RGS7BP: variants seen among roughly 807,000 people sequenced by gnomAD.
The protein encoded by RGS7BP is regulator of G protein signaling 7 binding protein.
A neutral mutation model predicts 31.3 loss-of-function variants in RGS7BP; 9 were observed. That is an observed-to-expected ratio of 0.29 (90% CI 0.17 to 0.50). RGS7BP has a LOEUF of 0.50. RGS7BP is among the 20% of genes least tolerant of loss of function. RGS7BP has a pLI of 0.98. For missense variants in RGS7BP, 274 were observed against 322.0 expected (o/e 0.85, Z 1.14); for synonymous variants, 115 against 120.1 (o/e 0.96, Z 0.28).
At chr5:64,529,014 A>G (rs1749305767) in intron 2 of RGS7BP, among the ~76,000 whole-genome samples, 1 of 152,156 alleles carries the variant, frequency 6.6e-6, no homozygotes, top group Non-Finnish European at 1.5e-5. Context: ...TACTTGCGGC[A>G]TTGATAACAC....
At chr5:64,572,680 G>T (rs1174869319) in intron 2 of RGS7BP, among the ~76,000 whole-genome samples, 3 of 152,022 alleles carry the variant, frequency 2.0e-5, no homozygotes, top group African/African-American at 7.3e-5. Flanking sequence ...TGGGATTTCT[G>T]GTGGCACCTA....
At chr5:64,572,236 G>A (rs899221337) in intron 2 of RGS7BP, among the ~76,000 whole-genome samples, 1 of 152,076 alleles carries the variant, frequency 6.6e-6, no homozygotes, top group Non-Finnish European at 1.5e-5. Context: ...TTAAATTGCT[G>A]TTTTCTTAGC....
intron 1 of RGS7BP, among the ~76,000 whole-genome samples, chr5:64,507,291 T>C (rs1748717880): frequency 6.6e-6 from 1 of 152,260 alleles, no homozygotes; most frequent in African/African-American, 2.4e-5. Flanking sequence ...TATTACACCC[T>C]ACCTGTCGCC....
At chr5:64,522,604 A>C (rs1318454935) in intron 2 of RGS7BP, among the ~76,000 whole-genome samples, 4 of 152,232 alleles carry the variant, frequency 2.6e-5, no homozygotes, top group Admixed American at 2.6e-4. Flanking sequence ...AGACCATAGC[A>C]TGCACCATAA....
intron 2 of RGS7BP, among the ~76,000 whole-genome samples, chr5:64,557,574 T>C (rs11949063): frequency 0.21 from 31,257 of 152,094 alleles, 3,948 homozygotes; most frequent in South Asian, 0.35. Context: ...TGTAGGCATA[T>C]TGGATATCTG....
intron 5 of RGS7BP, among the ~76,000 whole-genome samples, chr5:64,598,906 T>C (rs1037554973): frequency 4.6e-5 from 7 of 152,228 alleles, no homozygotes; most frequent in Admixed American, 3.3e-4. Context: ...TGTTTCCCAA[T>C]TTACTAGAAA....
At chr5:64,548,726 C>T (rs1271650119) in intron 2 of RGS7BP, among the ~76,000 whole-genome samples, 1 of 151,966 alleles carries the variant, frequency 6.6e-6, no homozygotes, top group Non-Finnish European at 1.5e-5. Flanking sequence ...AGGCTGGTCT[C>T]GAACTTCTGA....
intron 5 of RGS7BP, among the ~76,000 whole-genome samples, chr5:64,604,939 G>A (rs971749224): frequency 3.3e-5 from 5 of 152,076 alleles, no homozygotes; most frequent in African/African-American, 1.2e-4. Context: ...GGAGGCTGAG[G>A]TGGGAGTATT....
intron 2 of RGS7BP, among the ~76,000 whole-genome samples, chr5:64,512,345 G>T (rs1308943334): frequency 6.6e-6 from 1 of 152,200 alleles, no homozygotes; most frequent in African/African-American, 2.4e-5. Context: ...CTAAGGACAT[G>T]GGTGAATTTG....
At chr5:64,593,842 A>C (rs3846473) in intron 3 of RGS7BP, among the ~76,000 whole-genome samples, 128,259 of 152,086 alleles carry the variant, frequency 0.84, 54,417 homozygotes, top group African/African-American at 0.91. Flanking sequence ...TCTCGGGCCT[A>C]CTTGACCATT....
At chr5:64,509,909 T>G (rs1561317255) in intron 2 of RGS7BP, among the ~76,000 whole-genome samples, 2 of 152,202 alleles carry the variant, frequency 1.3e-5, no homozygotes, top group African/African-American at 4.8e-5. Flanking sequence ...ACATTCGTTA[T>G]AAAAAATGAC....
chr5:64,518,172 A>G (rs938792299), intron 2 of RGS7BP, among the ~76,000 whole-genome samples: 2 of 152,310 alleles, frequency 1.3e-5, no homozygotes, highest in Admixed American at 6.5e-5. Flanking sequence ...ACAGTATTTA[A>G]CCCATAATTT....
intron 2 of RGS7BP, among the ~76,000 whole-genome samples, chr5:64,535,972 G>A (rs1249857319): frequency 6.6e-6 from 1 of 152,152 alleles, no homozygotes; most frequent in Non-Finnish European, 1.5e-5. Flanking sequence ...GCCCTTGGGG[G>A]TACAATTGTG....
chr5:64,541,041 G>C (rs949036058), intron 2 of RGS7BP, among the ~76,000 whole-genome samples: 2 of 152,166 alleles, frequency 1.3e-5, no homozygotes, highest in African/African-American at 4.8e-5. Context: ...AAATACCTGA[G>C]ACTGGATAAT....
intron 2 of RGS7BP, 154 bp from the exon 3 acceptor site, chr5:64,575,620 T>G: frequency 3.0e-6 from 4 of 1,312,930 alleles, no homozygotes; most frequent in Non-Finnish European, 3.9e-6. Flanking sequence ...AACTGTCACA[T>G]TGGTCATTGG....
intron 4 of RGS7BP, among the ~76,000 whole-genome samples, chr5:64,596,938 A>G (rs1371258016): frequency 6.6e-6 from 1 of 152,156 alleles, no homozygotes; most frequent in Non-Finnish European, 1.5e-5. Context: ...TTAAATGGTG[A>G]CTGTCTTTCC....
intron 2 of RGS7BP, among the ~76,000 whole-genome samples, chr5:64,558,516 T>A (rs1425980573): frequency 3.9e-5 from 6 of 152,174 alleles, no homozygotes; most frequent in African/African-American, 1.4e-4. Context: ...AAGCTGAGGA[T>A]GTATGTCACC....
At chr5:64,538,546 C>CTTTTTTTTTTTTTTTTTTTTTT (rs1191560944) in intron 2 of RGS7BP, among the ~76,000 whole-genome samples, 1 of 40,026 alleles carries the variant, frequency 2.5e-5, no homozygotes, top group Non-Finnish European at 4.2e-5. Context: ...TTTTCCTTTT[C>CTTTTTTTTTTTTTTTTTTTTTT]TTTTTTTTTT....
At chr5:64,558,202 T>C in intron 2 of RGS7BP, among the ~76,000 whole-genome samples, 1 of 152,164 alleles carries the variant, frequency 6.6e-6, no homozygotes. Flanking sequence ...TTATCCTGAA[T>C]GGCATCTGAA....
Sources: allele counts gnomAD v4.1 joint callset (sites outside exome capture counted in the v4.1 genomes callset), GRCh38; gene constraint gnomAD v4.1.1; transcripts MANE v1.5; gene names NCBI Gene and HGNC (gene_info 2026-07-23, HGNC 2026-07-21).